Variants in NTRK3 observed in about 807,000 individuals in gnomAD.
NTRK3 encodes the protein neurotrophic receptor tyrosine kinase 3.
In NTRK3, 24 loss-of-function variants were observed where a neutral mutation model predicts 91.7. That is an observed-to-expected ratio of 0.26 (90% CI 0.19 to 0.37). The LOEUF is 0.37. NTRK3 is among the 10% of genes least tolerant of loss of function. NTRK3 has a pLI of 1.00. For missense variants in NTRK3, 880 were observed against 1,068.9 expected, an observed-to-expected ratio of 0.82 and a Z score of 2.46; for synonymous variants, 483 against 404.0, an observed-to-expected ratio of 1.20 and a Z score of -2.34.
At chr15:87,933,227 AG>A (rs767073421) in intron 15 of NTRK3, 43 bp from the exon 16 acceptor site, 2 of 1,601,584 alleles carry the variant, frequency 1.2e-6, no homozygotes, top group African/African-American at 1.3e-5. Flanking sequence ...ACTACAGGGC[AG>A]GGGGCTGTCT....
At chr15:87,932,898 C>A (rs1384565885) in intron 16 of NTRK3, 114 bp downstream of exon 16, 4 of 1,067,894 alleles carry the variant, frequency 3.7e-6, no homozygotes, top group African/African-American at 3.1e-5. Flanking sequence ...CATCTAATTT[C>A]TCATCCTGAG....
intron 5 of NTRK3, among the ~76,000 whole-genome samples, chr15:88,166,276 A>T (rs183326111): frequency 6.6e-6 from 1 of 152,324 alleles, no homozygotes; most frequent in African/African-American, 2.4e-5. Flanking sequence ...GGAAGGCAGA[A>T]GTGGAAGGGG....
At chr15:87,881,686 TG>T (rs1017356500) in intron 17 of NTRK3, among the ~76,000 whole-genome samples, 6 of 152,124 alleles carry the variant, frequency 3.9e-5, no homozygotes, top group Non-Finnish European at 5.9e-5. Flanking sequence ...CCCAAAGTGC[TG>T]GGATTACAGG....
intron 3 of NTRK3, among the ~76,000 whole-genome samples, chr15:88,184,606 C>T (rs1411737682): frequency 1.3e-5 from 2 of 152,240 alleles, no homozygotes; most frequent in Non-Finnish European, 2.9e-5. Context: ...AATCTCCCTG[C>T]TTGTCTTCCT....
intron 13 of NTRK3, among the ~76,000 whole-genome samples, chr15:88,086,546 A>C (rs1038959209): frequency 1.3e-5 from 2 of 150,384 alleles, no homozygotes; most frequent in Non-Finnish European, 2.9e-5. Flanking sequence ...AAAACATCAA[A>C]GTATGTATGG....
At chr15:87,930,385 C>G (rs1439309764) in intron 16 of NTRK3, among the ~76,000 whole-genome samples, 1 of 152,256 alleles carries the variant, frequency 6.6e-6, no homozygotes, top group Admixed American at 6.5e-5. Flanking sequence ...CCCTGGTGTA[C>G]AGCAAGGCCT....
chr15:87,885,643 AG>A, intron 17 of NTRK3, 50 bp downstream of exon 18: 1 of 946,768 alleles, frequency 1.1e-6, no homozygotes, highest in Non-Finnish European at 1.6e-6. Context: ...TAGTAATTAA[AG>A]TGTTGGGACA....
intron 17 of NTRK3, among the ~76,000 whole-genome samples, chr15:87,909,293 T>C (rs1176015825): frequency 2.0e-5 from 3 of 151,998 alleles, no homozygotes; most frequent in Non-Finnish European, 2.9e-5. Flanking sequence ...GGGGGGTGCA[T>C]GAGGAGGGAC....
intron 13 of NTRK3, among the ~76,000 whole-genome samples, chr15:88,125,278 A>G (rs1426793406): frequency 6.6e-6 from 1 of 152,174 alleles, no homozygotes; most frequent in African/African-American, 2.4e-5. Flanking sequence ...AACTCAGAGG[A>G]TCACCGTCCC....
At chr15:88,175,048 G>T (rs2045871113) in intron 5 of NTRK3, among the ~76,000 whole-genome samples, 1 of 152,236 alleles carries the variant, frequency 6.6e-6, no homozygotes, top group African/African-American at 2.4e-5. Context: ...GGACAGAAAA[G>T]AATTGGGTAA....
At chr15:88,021,836 A>G (rs2077618604) in intron 14 of NTRK3, among the ~76,000 whole-genome samples, 2 of 152,132 alleles carry the variant, frequency 1.3e-5, no homozygotes, top group Non-Finnish European at 1.5e-5. Context: ...CAAGATGGAG[A>G]TGATGACTGC....
At chr15:87,888,710 T>A (rs2065685775) in intron 17 of NTRK3, among the ~76,000 whole-genome samples, 1 of 152,148 alleles carries the variant, frequency 6.6e-6, no homozygotes, top group African/African-American at 2.4e-5. Context: ...AACAACATTT[T>A]AAAAAATTAT....
chr15:88,057,296 A>T (rs2045800529), intron 13 of NTRK3, among the ~76,000 whole-genome samples: 1 of 151,654 alleles, frequency 6.6e-6, no homozygotes, highest in South Asian at 2.1e-4. Flanking sequence ...CAGGAGTTTG[A>T]GACCAGCCTG....
chr15:88,211,201 G>C (rs147518790), intron 3 of NTRK3, among the ~76,000 whole-genome samples: 146 of 152,160 alleles, frequency 9.6e-4, no homozygotes, highest in African/African-American at 3.4e-3. Context: ...CCTTTCCCCA[G>C]TCCCTGGCAA....
chr15:88,228,165 G>T (rs184459679), intron 3 of NTRK3, among the ~76,000 whole-genome samples: 1 of 152,034 alleles, frequency 6.6e-6, no homozygotes, highest in African/African-American at 2.4e-5. Flanking sequence ...CTCTGGGCAC[G>T]TCACTCCCCT....
At chr15:88,209,067 A>G (rs1023388834) in intron 3 of NTRK3, among the ~76,000 whole-genome samples, 1 of 152,228 alleles carries the variant, frequency 6.6e-6, no homozygotes. Flanking sequence ...AAAAACTACT[A>G]TTAGGCATAA....
At chr15:88,132,502 G>T (rs554109751) in intron 10 of NTRK3, among the ~76,000 whole-genome samples, 1 of 152,184 alleles carries the variant, frequency 6.6e-6, no homozygotes, top group Non-Finnish European at 1.5e-5. Flanking sequence ...TATCTGGGAG[G>T]GGCCACAGAT....
chr15:88,105,076 G>A (rs1016797104), intron 13 of NTRK3, among the ~76,000 whole-genome samples: 1 of 152,144 alleles, frequency 6.6e-6, no homozygotes. Context: ...TGATTACTGA[G>A]ACTTCATTCA....
At chr15:87,862,752 A>C (rs1033105860) in exon 19 of NTRK3, 5 of 229,756 alleles carry the variant, frequency 2.2e-5, no homozygotes, top group African/African-American at 2.2e-5. Context: ...ACAAGGAGTC[A>C]TTTGCATTCT....
Sources: allele counts gnomAD v4.1 joint callset (sites outside exome capture counted in the v4.1 genomes callset), GRCh38; gene constraint gnomAD v4.1.1; transcripts MANE v1.5; gene names NCBI Gene and HGNC (gene_info 2026-07-23, HGNC 2026-07-21).